The following ROCK1 variants were observed in gnomAD, a reference collection of about 807,000 sequenced individuals.
ROCK1 encodes Rho associated coiled-coil containing protein kinase 1, also known as rho-associated protein kinase 1.
ROCK1 carries 36 observed loss-of-function variants against 196.8 expected under a neutral mutation model. The ratio of observed to expected loss-of-function variants is 0.18; its 90% CI spans 0.14 to 0.24. The LOEUF is 0.24. Among genes scored for constraint, ROCK1 ranks in the 10% least tolerant of loss-of-function variants. The probability of loss-of-function intolerance (pLI) is 1.00; values close to 1 mark genes in which losing one functional copy is unlikely to be tolerated. For synonymous variants in ROCK1, 443 were observed against 515.9 expected, an observed-to-expected ratio of 0.86 and a Z score of 1.91; for missense variants, 920 against 1,562.0, an observed-to-expected ratio of 0.59 and a Z score of 6.93.
chr18:21,020,471 A>C (rs916598705), intron 11 of ROCK1, among the ~76,000 whole-genome samples: 22 of 152,194 alleles, frequency 1.4e-4, no homozygotes, highest in African/African-American at 5.3e-4. Context: ...TGTTCTCATG[A>C]AGCAAATAGT....
chr18:21,072,283 G>T (rs1168638085), intron 1 of ROCK1, among the ~76,000 whole-genome samples: 4 of 152,136 alleles, frequency 2.6e-5, no homozygotes, highest in Non-Finnish European at 4.4e-5. Context: ...AATACCATGG[G>T]ATAGTCTATT....
chr18:21,025,435 C>A (rs917768429), intron 10 of ROCK1, among the ~76,000 whole-genome samples: 8 of 152,018 alleles, frequency 5.3e-5, no homozygotes, highest in African/African-American at 1.9e-4. Flanking sequence ...AATATTTTGC[C>A]AGGGCCAGGT....
intron 19 of ROCK1, 124 bp from the exon 20 acceptor site, chr18:20,984,659 T>G: frequency 3.0e-6 from 2 of 661,402 alleles, no homozygotes; most frequent in South Asian, 4.7e-5. Context: ...ATATTAGTAT[T>G]TTAAAGAGTC....
intron 1 of ROCK1, among the ~76,000 whole-genome samples, chr18:21,103,599 C>T (rs1405802270): frequency 1.3e-5 from 2 of 152,042 alleles, no homozygotes; most frequent in African/African-American, 4.8e-5. Context: ...GCTGAGACTA[C>T]ACCCAGGTAA....
At chr18:20,999,114 C>A (rs1400992484) in intron 16 of ROCK1, among the ~76,000 whole-genome samples, 1 of 152,152 alleles carries the variant, frequency 6.6e-6, no homozygotes, top group African/African-American at 2.4e-5. Context: ...AAACCCTCAA[C>A]AAGATGCTAG....
intron 9 of ROCK1, 67 bp downstream of exon 9, chr18:21,039,405 G>C (rs2143498753): frequency 8.8e-7 from 1 of 1,133,976 alleles, no homozygotes; most frequent in Non-Finnish European, 1.3e-6. Flanking sequence ...TAGCAATGTA[G>C]TTTCAACAAA....
Position 20,984,470 on chromosome 18 carries a change from C to T in ROCK1, c.2370G>A (p.Leu790=), listed in dbSNP as rs1352520045. 1.2e-6 allele frequency: 2 copies of T among 1,613,296 alleles called. No homozygotes were observed. Among genetic ancestry groups the T allele is most frequent in the East Asian group, 2.2e-5 (1 of 44,808 alleles). Residue 790 remains leucine, a synonymous_variant, in exon 20 of 33, where the codon TTG becomes TTA. Coordinates refer to ENST00000399799, the MANE Select transcript of ROCK1 (RefSeq NM_005406.3). Reference sequence around the variant, plus strand: ...TGTCTGCCTCAAATGCTTGAGTCTTCAATTCATTTTGTAACAACAGCCGCT... The same window carrying T: ...TGTCTGCCTCAAATGCTTGAGTCTTTAATTCATTTTGTAACAACAGCCGCT... The part of the protein sequence containing the change: ...SNKRLLLQNE[L]KTQAFEADNL...
At chr18:21,087,606 T>C (rs1311282477) in intron 1 of ROCK1, among the ~76,000 whole-genome samples, 1 of 146,836 alleles carries the variant, frequency 6.8e-6, no homozygotes, top group African/African-American at 2.5e-5. Flanking sequence ...CACAAAAGAG[T>C]CAATCCACCA....
At chr18:21,026,445 G>GAA (rs747563785) in intron 10 of ROCK1, among the ~76,000 whole-genome samples, 536 of 35,284 alleles carry the variant, frequency 0.015, 30 homozygotes, top group African/African-American at 0.046. Context: ...ACTCTGTCTC[G>GAA]AAAAAAAAAA....
chr18:20,960,605 G>A, intron 27 of ROCK1: 1 of 159,770 alleles, frequency 6.3e-6, no homozygotes, highest in Non-Finnish European at 1.4e-5. Context: ...GAACAAATCA[G>A]AGCCATGATT....
chr18:20,967,519 C>CA (rs2035385419), intron 26 of ROCK1, among the ~76,000 whole-genome samples: 1 of 151,914 alleles, frequency 6.6e-6, no homozygotes, highest in Non-Finnish European at 1.5e-5. Flanking sequence ...ATTTTGATTT[C>CA]AAAAAAGTGA....
chr18:20,959,041 A>ATATATATATAT (rs2035284652), intron 29 of ROCK1, among the ~76,000 whole-genome samples: 1 of 47,782 alleles, frequency 2.1e-5, no homozygotes, highest in South Asian at 4.3e-4. Flanking sequence ...ATTTTATATA[A>ATATATATATAT]TATATAATAT....
At chr18:20,979,543 AC>A (rs1285678839) in intron 22 of ROCK1, among the ~76,000 whole-genome samples, 1 of 151,440 alleles carries the variant, frequency 6.6e-6, no homozygotes, top group Non-Finnish European at 1.5e-5. Flanking sequence ...AATCGCTTGA[AC>A]CCGGGAGGTG....
intron 12 of ROCK1, among the ~76,000 whole-genome samples, chr18:21,019,446 G>C (rs1364526499): frequency 6.6e-6 from 1 of 152,096 alleles, no homozygotes; most frequent in Non-Finnish European, 1.5e-5. Context: ...TATGTAAAGA[G>C]AAAAAAGCAG....
intron 9 of ROCK1, among the ~76,000 whole-genome samples, chr18:21,034,411 C>T (rs2036039244): frequency 6.6e-6 from 1 of 152,112 alleles, no homozygotes; most frequent in African/African-American, 2.4e-5. Context: ...ACAGAGCTAC[C>T]ATAATCATAC....
chr18:21,011,124 C>T (rs1184704530), intron 13 of ROCK1, among the ~76,000 whole-genome samples: 1 of 152,076 alleles, frequency 6.6e-6, no homozygotes, highest in Non-Finnish European at 1.5e-5. Flanking sequence ...CTACCCCTAC[C>T]ACCTCTTTTG....
At chr18:21,070,666 C>A in intron 1 of ROCK1, 53 bp from the exon 2 acceptor site, 1 of 1,133,666 alleles carries the variant, frequency 8.8e-7, no homozygotes. Context: ...TATACAGTCT[C>A]CTTTTTTATG....
chr18:20,978,204 CA>C (rs34885138), intron 22 of ROCK1, among the ~76,000 whole-genome samples: 17,374 of 118,542 alleles, frequency 0.15, 2,922 homozygotes, highest in African/African-American at 0.42. Flanking sequence ...TGTATTCCAA[CA>C]AAAAAAAAAA....
At chr18:21,038,373 T>C (rs1358644352) in intron 9 of ROCK1, among the ~76,000 whole-genome samples, 1 of 152,164 alleles carries the variant, frequency 6.6e-6, no homozygotes, top group Non-Finnish European at 1.5e-5. Flanking sequence ...TTCTTTGTTG[T>C]ATAATTTCTT....
Sources: gnomAD v4.1 joint callset for allele counts (sites outside exome capture counted in the v4.1 genomes callset) on GRCh38, gnomAD v4.1.1 for gene constraint, MANE v1.5 for transcripts, NCBI Gene and HGNC (gene_info 2026-07-23, HGNC 2026-07-21) for gene names.